TCF7L2: variants seen among roughly 807,000 people sequenced by gnomAD.
TCF7L2 encodes transcription factor 7-like 2.
TCF7L2 carries 23 observed loss-of-function variants against 77.9 expected under a neutral mutation model. The observed-to-expected ratio is 0.30, with a 90% CI of 0.21 to 0.42. TCF7L2 has a LOEUF of 0.42. Among genes scored for constraint, TCF7L2 ranks in the 10% least tolerant of loss-of-function variants. The pLI is 1.00. For missense variants in TCF7L2, 654 were observed against 793.1 expected, an observed-to-expected ratio of 0.82 and a Z score of 2.11; for synonymous variants, 413 against 340.2, an observed-to-expected ratio of 1.21 and a Z score of -2.36.
At chr10:113,027,644 T>C (rs1590689002) in intron 4 of TCF7L2, among the ~76,000 whole-genome samples, 1 of 152,348 alleles carries the variant, frequency 6.6e-6, no homozygotes, top group Middle Eastern at 3.4e-3. Flanking sequence ...AATGAGGTTA[T>C]TGTGCTCGAA....
intron 5 of TCF7L2, among the ~76,000 whole-genome samples, chr10:113,052,003 G>T (rs556489978): frequency 6.6e-6 from 1 of 152,134 alleles, no homozygotes; most frequent in African/African-American, 2.4e-5. Context: ...ACACTTACTT[G>T]TATTACTAGA....
At chr10:112,958,141 C>T (rs974873143) in intron 3 of TCF7L2, among the ~76,000 whole-genome samples, 2 of 152,184 alleles carry the variant, frequency 1.3e-5, no homozygotes, top group Non-Finnish European at 2.9e-5. Flanking sequence ...CTTTGCTTTT[C>T]CCAAGATAGG....
chr10:113,142,048 A>G (rs1225784407), intron 6 of TCF7L2, among the ~76,000 whole-genome samples: 1 of 152,168 alleles, frequency 6.6e-6, no homozygotes, highest in Non-Finnish European at 1.5e-5. Flanking sequence ...TCTGTCATCC[A>G]GGCTGGAGTG....
rs142838492 is a variant in TCF7L2 at position 113,064,289 on chromosome 10, G to A, written c.552+24163G>A. 7.3e-4 allele frequency among the ~76,000 whole-genome samples: 111 copies of A among 152,332 alleles called. 2 individuals carry two copies. The South Asian group carries it at 0.023, about 32-fold the overall frequency. Reference sequence around the variant, plus strand: ...GCCAGGCCCAAATGGTGGCTGCAGAGGTATTTACCAGCTGGTTCCGTGCTC... The same window carrying A: ...GCCAGGCCCAAATGGTGGCTGCAGAAGTATTTACCAGCTGGTTCCGTGCTC... On this transcript the variant is annotated intron_variant, in intron 5 of 13. Coordinates refer to ENST00000627217, the MANE Select transcript of TCF7L2 (RefSeq NM_001146274.2).
chr10:112,998,673 A>G (rs1025839282), intron 4 of TCF7L2, among the ~76,000 whole-genome samples: 6 of 152,190 alleles, frequency 3.9e-5, no homozygotes, highest in Non-Finnish European at 4.4e-5. Flanking sequence ...AACTTAGTCA[A>G]TGTCAGATAA....
At chr10:113,109,278 T>C (rs769660347) in intron 5 of TCF7L2, among the ~76,000 whole-genome samples, 8 of 152,246 alleles carry the variant, frequency 5.3e-5, no homozygotes, top group Non-Finnish European at 1.2e-4. Flanking sequence ...TACGGTGTTA[T>C]CTTGGGGAAA....
intron 4 of TCF7L2, among the ~76,000 whole-genome samples, chr10:112,995,734 TGA>T (rs1176185133): frequency 6.6e-6 from 1 of 152,148 alleles, no homozygotes; most frequent in Non-Finnish European, 1.5e-5. Context: ...CTCCCTTTCC[TGA>T]GAGTCACTGC....
At chr10:112,972,001 A>G (rs1346105794) in intron 4 of TCF7L2, among the ~76,000 whole-genome samples, 1 of 151,400 alleles carries the variant, frequency 6.6e-6, no homozygotes, top group Admixed American at 6.6e-5. Context: ...GCTCACTGCA[A>G]CCTCTGCCTC....
At chr10:113,066,091 G>A (rs2057213199) in intron 5 of TCF7L2, among the ~76,000 whole-genome samples, 3 of 152,156 alleles carry the variant, frequency 2.0e-5, no homozygotes, top group South Asian at 2.1e-4. Flanking sequence ...GGTTGGACGC[G>A]GTGGCTCATG....
intron 4 of TCF7L2, among the ~76,000 whole-genome samples, chr10:113,002,963 T>C (rs985078556): frequency 3.3e-5 from 5 of 152,214 alleles, no homozygotes; most frequent in Non-Finnish European, 7.3e-5. Context: ...TGTGCATGGA[T>C]ATGTGTGCGT....
chr10:113,086,856 C>T (rs2059893322), intron 5 of TCF7L2, among the ~76,000 whole-genome samples: 3 of 152,052 alleles, frequency 2.0e-5, no homozygotes, highest in African/African-American at 7.2e-5. Flanking sequence ...TCTCCTACCC[C>T]CCTAAAATTG....
chr10:113,067,088 A>G (rs2057355740), intron 5 of TCF7L2, among the ~76,000 whole-genome samples: 1 of 152,264 alleles, frequency 6.6e-6, no homozygotes, highest in Non-Finnish European at 1.5e-5. Context: ...CATACAGTTA[A>G]GAATAGCTCA....
intron 4 of TCF7L2, among the ~76,000 whole-genome samples, chr10:112,980,936 T>C (rs1262560977): frequency 1.3e-5 from 2 of 152,190 alleles, no homozygotes; most frequent in Non-Finnish European, 2.9e-5. Flanking sequence ...AAAGCATTTG[T>C]TTCTTAATAA....
At chr10:112,966,127 A>G (rs1468238189) in intron 4 of TCF7L2, among the ~76,000 whole-genome samples, 1 of 149,018 alleles carries the variant, frequency 6.7e-6, no homozygotes, top group African/African-American at 2.5e-5. Context: ...GTGAGCCGAG[A>G]TCACGCCACT....
intron 5 of TCF7L2, among the ~76,000 whole-genome samples, chr10:113,077,901 A>T (rs1281590474): frequency 1.5e-5 from 2 of 136,652 alleles, no homozygotes; most frequent in African/African-American, 6.0e-5. Context: ...TTATTTATTT[A>T]TTTATTGTAT....
rs184903123 is a variant in TCF7L2 at position 113,072,364 on chromosome 10, A to C, written c.552+32238A>C. Among the ~76,000 whole-genome samples the C allele has an allele frequency of 2.3e-5, 3 of 131,494 alleles. No homozygotes were observed. In the East Asian group the frequency reaches 7.0e-4, roughly 31 times the overall value. 86.3% of individuals were successfully genotyped at this position (131,494 alleles called of 152,430 possible). A position where few individuals can be genotyped will look rare whatever the true frequency, so the allele number is the denominator to read the frequency against. The stretch of plus-strand genomic sequence containing the variant: ...TCACCGCGCCTGGCCTTTATTTTTT[A>C]TTTCTTTTGAGATGGAGTTTTGCTC... On this transcript the variant is annotated intron_variant, in intron 5 of 13. Transcript: ENST00000627217.
At chr10:112,988,961 G>A (rs1261418533) in intron 4 of TCF7L2, among the ~76,000 whole-genome samples, 1 of 152,162 alleles carries the variant, frequency 6.6e-6, no homozygotes, top group Non-Finnish European at 1.5e-5. Flanking sequence ...CTTGCCCAGG[G>A]ATACATAGCT....
intron 4 of TCF7L2, chr10:112,987,757 C>T (rs549821503): frequency 1.3e-5 from 2 of 156,896 alleles, no homozygotes; most frequent in South Asian, 1.8e-4. Context: ...TCATCTGCTC[C>T]TGTCCCAGCA....
chr10:113,027,047 G>A (rs555022297), intron 4 of TCF7L2, among the ~76,000 whole-genome samples: 2 of 152,354 alleles, frequency 1.3e-5, no homozygotes, highest in East Asian at 3.9e-4. Context: ...CCAGAGAAGG[G>A]AGAGTGGTCA....
Sources: gnomAD v4.1 joint callset for allele counts (sites outside exome capture counted in the v4.1 genomes callset) on GRCh38, gnomAD v4.1.1 for gene constraint, MANE v1.5 for transcripts, NCBI Gene and HGNC (gene_info 2026-07-23, HGNC 2026-07-21) for gene names.